Variants in RBM19 observed in about 807,000 individuals in gnomAD.
The protein encoded by RBM19 is probable RNA-binding protein 19.
Under a neutral mutation model 116.8 loss-of-function variants are expected in RBM19, and 94 were observed. The ratio of observed to expected loss-of-function variants is 0.80; its 90% CI spans 0.68 to 0.95. The LOEUF (loss-of-function observed/expected upper bound fraction) is 0.95, where lower values mean the gene tolerates loss of function less well. RBM19 is among the 40% of genes least tolerant of loss of function. RBM19 has a pLI of 0.00. For synonymous variants in RBM19, 475 were observed against 494.1 expected, an observed-to-expected ratio of 0.96 and a Z score of 0.51; for missense variants, 1,161 against 1,220.7, an observed-to-expected ratio of 0.95 and a Z score of 0.73.
chr12:113,918,562 G>A (rs1349513342), intron 19 of RBM19, 115 bp from the exon 20 acceptor site: 1 of 1,054,140 alleles, frequency 9.5e-7, no homozygotes, highest in Admixed American at 2.1e-5. Context: ...TTGTTCCCCG[G>A]GGAGTGGGGC....
intron 23 of RBM19, among the ~76,000 whole-genome samples, chr12:113,826,203 C>T (rs894757091): frequency 3.3e-5 from 5 of 152,218 alleles, no homozygotes; most frequent in Admixed American, 2.0e-4. Context: ...ATGTACACTT[C>T]CTAATCCCTT....
At chr12:113,926,960 T>C in intron 17 of RBM19, 94 bp downstream of exon 17, 3 of 1,391,902 alleles carry the variant, frequency 2.2e-6, no homozygotes, top group Non-Finnish European at 2.9e-6. Context: ...TTAACACGCA[T>C]CATGTTTCAG....
intron 21 of RBM19, among the ~76,000 whole-genome samples, chr12:113,871,966 G>A (rs369787070): frequency 6.6e-6 from 1 of 151,478 alleles, no homozygotes; most frequent in Non-Finnish European, 1.5e-5. Context: ...GAAGTGAGGA[G>A]TGTCTCTGCC....
intron 22 of RBM19, among the ~76,000 whole-genome samples, chr12:113,854,365 G>A (rs1293674384): frequency 6.6e-6 from 1 of 152,114 alleles, no homozygotes; most frequent in Non-Finnish European, 1.5e-5. Context: ...TGACACAACT[G>A]ACAGCCGTGC....
chr12:113,955,145 A>G lies in RBM19; in HGVS notation c.907T>C (p.Phe303Leu). 2 of 1,613,974 alleles carry G rather than the reference A, an allele frequency of 1.2e-6. No individual in the cohort carries two copies. Among genetic ancestry groups the G allele is most frequent in the Non-Finnish European group, 1.7e-6 (2 of 1,179,964 alleles). ...TTAGCACATACCTCTGTGACATTGA[A>G]CGGGGCTCCCCGCAGCTTCACGGTG... ...CHTVKLRGAP[F>L]NVTEKNVMEF... Residue 303 changes from phenylalanine to leucine, a missense_variant, in exon 7 of 24, where the codon TTC becomes CTC. Phe to Leu is a conservative substitution (Grantham distance 22). Coordinates refer to ENST00000261741, the MANE Select transcript of RBM19 (RefSeq NM_016196.4).
At chr12:113,908,524 C>T (rs770285477) in intron 21 of RBM19, among the ~76,000 whole-genome samples, 27 of 143,916 alleles carry the variant, frequency 1.9e-4, no homozygotes, top group Middle Eastern at 3.8e-3. Flanking sequence ...TGTGAACTCT[C>T]GCCCATTCAC....
In RBM19 at chr12:113,946,472, T is replaced by C; in HGVS notation, c.1411A>G (p.Arg471Gly). 1 of 1,614,192 alleles carries C rather than the reference T, an allele frequency of 6.2e-7. No homozygotes were observed. The highest frequency in any genetic ancestry group is 8.5e-7 in the Non-Finnish European group (1 of 1,180,024). ...SEVDGQVFQGRMLHVLPSTIK... is the reference protein window; with the variant it reads ...SEVDGQVFQGGMLHVLPSTIK... ...GTAGATGGTAACACGTGGAGCATCCTGCCCTGGATGGGAATGACGGGAAGG... is the reference window on the plus strand; with the variant it reads ...GTAGATGGTAACACGTGGAGCATCCCGCCCTGGATGGGAATGACGGGAAGG... Residue 471 changes from arginine (R) to glycine (G), a missense_variant, in exon 12 of 24, where the codon AGG (arginine) becomes GGG (glycine). Physicochemically the swap from Arg to Gly is moderately radical, Grantham distance 125 (BLOSUM62 -2). Transcript: ENST00000261741.
At chr12:113,900,885 A>C (rs565361473) in intron 21 of RBM19, among the ~76,000 whole-genome samples, 1 of 152,282 alleles carries the variant, frequency 6.6e-6, no homozygotes, top group Non-Finnish European at 1.5e-5. Flanking sequence ...CACTCAGTAA[A>C]CATCCCTCCC....
intron 8 of RBM19, among the ~76,000 whole-genome samples, chr12:113,951,534 CACAA>C (rs916831666): frequency 1.3e-5 from 2 of 150,546 alleles, no homozygotes; most frequent in South Asian, 2.1e-4. Context: ...CACACACACA[CACAA>C]ACACACACAC....
intron 14 of RBM19, among the ~76,000 whole-genome samples, chr12:113,941,516 T>C (rs1374115024): frequency 2.6e-5 from 4 of 151,462 alleles, no homozygotes; most frequent in Non-Finnish European, 4.4e-5. Flanking sequence ...TTAATAAATG[T>C]TAGCTATTAG....
chr12:113,957,646 C>G, intron 6 of RBM19, 136 bp downstream of exon 6: 1 of 1,299,578 alleles, frequency 7.7e-7, no homozygotes, highest in South Asian at 3.1e-5. Flanking sequence ...GCGGCAGGGC[C>G]AAGATCGGGA....
intron 21 of RBM19, among the ~76,000 whole-genome samples, chr12:113,863,382 G>A (rs934471628): frequency 6.6e-6 from 1 of 152,164 alleles, no homozygotes; most frequent in Non-Finnish European, 1.5e-5. Flanking sequence ...TGACTGAAGC[G>A]ACAGGCTCAG....
In RBM19 at chr12:113,858,957, A is replaced by C; in HGVS notation, c.2559-61T>G. ...TAGAGGCCCGCAAGGGAGGTCGGGA[A>C]GGCAGGACTGATTCTCACATGTAAA... On this transcript the variant is annotated intron_variant, in intron 21 of 23. Coordinates refer to ENST00000261741, the MANE Select transcript of RBM19 (RefSeq NM_016196.4). 1.0e-5 allele frequency: 15 copies of C among 1,456,836 alleles called. No homozygotes were observed. The South Asian group carries it at 1.7e-4, about 17-fold the overall frequency. 90.2% of individuals were successfully genotyped at this position (1,456,836 alleles called of 1,614,324 possible). A position where few individuals can be genotyped will look rare whatever the true frequency, so the allele number is the denominator to read the frequency against.
intron 23 of RBM19, among the ~76,000 whole-genome samples, chr12:113,832,184 ATTTCTTT>A (rs1237974015): frequency 6.8e-6 from 1 of 147,348 alleles, no homozygotes; most frequent in Non-Finnish European, 1.5e-5. Context: ...AAAAGTTATC[ATTTCTTT>A]TTTCTTTTTT....
intron 13 of RBM19, among the ~76,000 whole-genome samples, chr12:113,944,018 G>C (rs1349119513): frequency 6.7e-6 from 1 of 149,892 alleles, no homozygotes; most frequent in African/African-American, 2.5e-5. Context: ...GAGCTTACGA[G>C]CCAAATCCAC....
intron 21 of RBM19, among the ~76,000 whole-genome samples, chr12:113,888,071 C>A (rs191674992): frequency 4.5e-4 from 69 of 152,288 alleles, no homozygotes; most frequent in Admixed American, 5.9e-4. Flanking sequence ...CATAGCCAGA[C>A]CTGTGGTTAG....
intron 18 of RBM19, among the ~76,000 whole-genome samples, chr12:113,921,217 G>C (rs1198889366): frequency 6.6e-6 from 1 of 152,178 alleles, no homozygotes; most frequent in Non-Finnish European, 1.5e-5. Flanking sequence ...CTTACTTCTA[G>C]GTTGCAAGTA....
rs1218597759 is a variant in RBM19, at chr12:113,858,904, C to G, written c.2559-8G>C. On this transcript the variant is annotated splice_polypyrimidine_tract_variant and splice_region_variant and intron_variant, in intron 21 of 23. Coordinates refer to ENST00000261741, the MANE Select transcript of RBM19 (RefSeq NM_016196.4). ...TTCAACTCCCCAAAGGTGCTAGAAACAAAAGGCAAGACATAGGGGTTTAAG... is the reference window on the plus strand; with the variant it reads ...TTCAACTCCCCAAAGGTGCTAGAAAGAAAAGGCAAGACATAGGGGTTTAAG... 6.2e-7 allele frequency: 1 copy of G among 1,613,714 alleles called. No individual in the cohort carries two copies. The highest frequency in any genetic ancestry group is 1.1e-5 in the South Asian group (1 of 91,080).
At chr12:113,821,093 G>A (rs990035436), downstream of RBM19, among the ~76,000 whole-genome samples, 2 of 152,210 alleles carry the variant, frequency 1.3e-5, no homozygotes, top group African/African-American at 2.4e-5. Context: ...GGACTCAGCA[G>A]GTTAAGTCAC....
Sources: gnomAD v4.1 joint callset for allele counts (sites outside exome capture counted in the v4.1 genomes callset) on GRCh38, gnomAD v4.1.1 for gene constraint, MANE v1.5 for transcripts, NCBI Gene and HGNC (gene_info 2026-07-23, HGNC 2026-07-21) for gene names.